Variants in TRPM1 observed in about 807,000 individuals in gnomAD.
The protein encoded by TRPM1 is transient receptor potential cation channel subfamily M member 1.
Under a neutral mutation model 149.4 loss-of-function variants are expected in TRPM1, and 113 were observed. That is an observed-to-expected ratio of 0.76 (90% CI 0.65 to 0.88). The LOEUF is 0.88. TRPM1 is among the 40% of genes least tolerant of loss of function. The probability of loss-of-function intolerance (pLI) is 0.00; values close to 1 mark genes in which losing one functional copy is unlikely to be tolerated. For missense variants in TRPM1, 1,976 were observed against 2,038.7 expected (o/e 0.97, Z 0.59); for synonymous variants, 741 against 759.5 (o/e 0.98, Z 0.40).
chr15:31,098,311 G>T (rs2035437917), intron 1 of TRPM1, among the ~76,000 whole-genome samples: 1 of 152,106 alleles, frequency 6.6e-6, no homozygotes, highest in Admixed American at 6.5e-5. Flanking sequence ...GTGGTGGCGG[G>T]CACCTGTAAT....
chr15:31,094,320 C>A (rs2035320185), intron 1 of TRPM1, among the ~76,000 whole-genome samples: 1 of 151,924 alleles, frequency 6.6e-6, no homozygotes, highest in Admixed American at 6.6e-5. Flanking sequence ...AGATATGATA[C>A]CATAAGCATG....
At chr15:31,009,341 A>C (rs1472227319) in intron 27 of TRPM1, among the ~76,000 whole-genome samples, 1 of 152,162 alleles carries the variant, frequency 6.6e-6, no homozygotes, top group African/African-American at 2.4e-5. Context: ...AAAATAAATA[A>C]AATTTAAAAT....
intron 1 of TRPM1, among the ~76,000 whole-genome samples, chr15:31,118,766 T>C (rs2035836599): frequency 6.6e-6 from 1 of 152,180 alleles, no homozygotes; most frequent in Non-Finnish European, 1.5e-5. Flanking sequence ...GCAAGCTAGC[T>C]GGATCTCCGG....
chr15:31,119,475 T>TCAC (rs2035847621), intron 1 of TRPM1, among the ~76,000 whole-genome samples: 1 of 152,094 alleles, frequency 6.6e-6, no homozygotes, highest in Non-Finnish European at 1.5e-5. Context: ...AGGAAATTTG[T>TCAC]CACCAGTACA....
chr15:31,057,734 G>T (rs1037459944), intron 11 of TRPM1, among the ~76,000 whole-genome samples: 2 of 152,266 alleles, frequency 1.3e-5, no homozygotes. Context: ...GTTTGGCTCT[G>T]TGTCCCACCC....
intron 11 of TRPM1, among the ~76,000 whole-genome samples, chr15:31,059,402 T>C (rs182214438): frequency 1.8e-4 from 27 of 152,254 alleles, no homozygotes; most frequent in African/African-American, 6.3e-4. Flanking sequence ...TGGTTTTGCA[T>C]TGTTTTTTGT....
chr15:31,066,905 C>T (rs1316548030), intron 6 of TRPM1, among the ~76,000 whole-genome samples, 158 bp downstream of exon 6: 2 of 152,164 alleles, frequency 1.3e-5, no homozygotes, highest in African/African-American at 4.8e-5. Flanking sequence ...GGGTTGTGAT[C>T]TTGCATTATG....
At chr15:31,150,433 CTTT>C (rs35862690) in intron 1 of TRPM1, among the ~76,000 whole-genome samples, 4 of 110,862 alleles carry the variant, frequency 3.6e-5, no homozygotes, top group African/African-American at 3.6e-5. Flanking sequence ...TTTTCTTTTC[CTTT>C]TTTTTTTTTT....
At position 31,065,035 on chromosome 15, in the gene TRPM1, C is replaced by T. The variant is rs140017415; in HGVS notation, c.790+1041G>A. On this transcript the variant is annotated intron_variant, in intron 7 of 27. Coordinates refer to ENST00000256552, the MANE Select transcript of TRPM1 (RefSeq NM_001252024.2). The stretch of plus-strand genomic sequence containing the variant: ...GCTTAGGCTGGAGTCCTCGAAGCTC[C>T]GTGCTGTGGGAAGTGACAACTGAGC... 1.1e-3 allele frequency: 581 copies of T among 534,510 alleles called. 3 individuals carry two copies. Among genetic ancestry groups the T allele is most frequent in the African/African-American group, 9.9e-3 (516 of 52,058 alleles). The allele number at this position is 534,510 out of a possible 1,614,324, so 33.1% of individuals were successfully genotyped here. A position where few individuals can be genotyped will look rare whatever the true frequency, so the allele number is the denominator to read the frequency against.
intron 1 of TRPM1, among the ~76,000 whole-genome samples, chr15:31,144,625 G>A (rs1269523720): frequency 1.3e-5 from 2 of 151,966 alleles, no homozygotes; most frequent in African/African-American, 4.8e-5. Context: ...GGTATAAATG[G>A]GGGTGACTAT....
chr15:31,155,466 C>G (rs548988961), intron 1 of TRPM1, among the ~76,000 whole-genome samples: 2 of 152,194 alleles, frequency 1.3e-5, no homozygotes, highest in African/African-American at 2.4e-5. Flanking sequence ...AGGCACAAAC[C>G]GTTGAGGCTG....
intron 4 of TRPM1, among the ~76,000 whole-genome samples, chr15:31,068,744 CA>C (rs60411633): frequency 0.023 from 1,377 of 60,106 alleles, 15 homozygotes; most frequent in African/African-American, 0.069. Context: ...AACTCCAACT[CA>C]AAAAAAAAAA....
intron 15 of TRPM1, 100 bp downstream of exon 15, chr15:31,047,011 C>T (rs1283774398): frequency 6.6e-6 from 10 of 1,522,524 alleles, no homozygotes; most frequent in African/African-American, 5.5e-5. Context: ...GGGGACAGGG[C>T]GAAGGGCTTG....
At chr15:31,113,860 C>A (rs2338852) in intron 1 of TRPM1, among the ~76,000 whole-genome samples, 4 of 151,340 alleles carry the variant, frequency 2.6e-5, no homozygotes, top group Admixed American at 6.6e-5. Context: ...CGCTCCCACA[C>A]GCTGGAAGGG....
intron 1 of TRPM1, chr15:31,160,812 G>T (rs981065399): frequency 2.1e-6 from 3 of 1,398,578 alleles, no homozygotes; most frequent in South Asian, 2.5e-5. Context: ...GACAGGACCC[G>T]CTGGGCCAGC....
At chr15:31,019,862 T>C (rs564485092) in intron 27 of TRPM1, among the ~76,000 whole-genome samples, 34 of 151,754 alleles carry the variant, frequency 2.2e-4, no homozygotes, top group Non-Finnish European at 4.6e-4. Flanking sequence ...AGAAAAGGGG[T>C]TGCACCATGT....
At chr15:31,105,435 C>CTGTGTGTG (rs10525947), upstream of TRPM1, among the ~76,000 whole-genome samples, 4 of 148,688 alleles carry the variant, frequency 2.7e-5, no homozygotes, top group South Asian at 6.3e-4. Flanking sequence ...CTGTGTGTCT[C>CTGTGTGTG]TGTGTGTGTG....
intron 3 of TRPM1, among the ~76,000 whole-genome samples, chr15:31,072,055 A>C (rs2034575284): frequency 7.2e-6 from 1 of 139,024 alleles, no homozygotes; most frequent in Non-Finnish European, 1.5e-5. Flanking sequence ...AGAGAGATTA[A>C]ATGGTTTTTA....
At chr15:31,012,746 TG>T (rs2032230425) in intron 27 of TRPM1, among the ~76,000 whole-genome samples, 1 of 152,116 alleles carries the variant, frequency 6.6e-6, no homozygotes, top group Admixed American at 6.5e-5. Flanking sequence ...ATGATGCCTA[TG>T]TTGTTCTGCT....
Sources: allele counts gnomAD v4.1 joint callset (sites outside exome capture counted in the v4.1 genomes callset), GRCh38; gene constraint gnomAD v4.1.1; transcripts MANE v1.5; gene names NCBI Gene and HGNC (gene_info 2026-07-23, HGNC 2026-07-21).